ZNF611: variants seen among roughly 807,000 people sequenced by gnomAD.
ZNF611 encodes zinc finger protein 611.
A neutral mutation model predicts 8.9 loss-of-function variants in ZNF611; 6 were observed. That is an observed-to-expected ratio of 0.68 (90% CI 0.37 to 1.34). The LOEUF (loss-of-function observed/expected upper bound fraction) is 1.34, where lower values mean the gene tolerates loss of function less well. Ranked by LOEUF, ZNF611 falls within the 40% of genes most tolerant of loss-of-function variation. ZNF611 has a pLI of 0.02. For missense variants in ZNF611, 874 were observed against 841.3 expected (o/e 1.04, Z -0.48); for synonymous variants, 262 against 279.7 (o/e 0.94, Z 0.63).
rs1568612469 is a variant in ZNF611 at position 52,734,534 on chromosome 19, G to GA, written c.-222+466_-222+467insT. On this transcript the variant is annotated intron_variant, in intron 1 of 5. Transcript: ENST00000652185. ...CCCCGGCATGAGGAGGAAGGTGCGG[G>GA]GCGGGGGGGGGGGGCGCGACGGCGC... is the stretch of plus-strand genomic sequence containing the variant. Among the ~76,000 whole-genome samples the GA allele has an allele frequency of 5.2e-4, 19 of 36,490 alleles. 1 individual carries two copies. Among genetic ancestry groups the GA allele is most frequent in the Admixed American group, 8.2e-4 (4 of 4,888 alleles). The allele number at this position is 36,490 out of a possible 152,430, so 23.9% of individuals were successfully genotyped here.
rs142968523 is a variant in ZNF611 at position 52,712,097 on chromosome 19, G to A, written c.190+1918C>T. Among the ~76,000 whole-genome samples, 419 of 152,256 alleles carry A rather than the reference G, an allele frequency of 2.8e-3. 2 individuals carry two copies. Among genetic ancestry groups the A allele is most frequent in the African/African-American group, 9.6e-3 (399 of 41,546 alleles). On this transcript the variant is annotated intron_variant, in intron 5 of 5. Coordinates refer to ENST00000652185, the MANE Select transcript of ZNF611 (RefSeq NM_001161499.2). ...ATGAAAGAGATCCAACAATGCAGCA[G>A]TACGGTGGCCTGAGGTGAAAGCAGT...
intron 1 of ZNF611, among the ~76,000 whole-genome samples, chr19:52,734,541 G>GGT (rs904550474): frequency 5.5e-5 from 3 of 54,712 alleles, no homozygotes; most frequent in Non-Finnish European, 1.1e-4. Flanking sequence ...CGGGGCGGGG[G>GGT]GGGGGGGCGC....
At chr19:52,718,845 A>G (rs1260804445) in intron 3 of ZNF611, among the ~76,000 whole-genome samples, 3 of 152,084 alleles carry the variant, frequency 2.0e-5, no homozygotes, top group Admixed American at 2.0e-4. Context: ...AACAACAAAA[A>G]TAAGTAAATT....
intron 3 of ZNF611, among the ~76,000 whole-genome samples, chr19:52,722,780 G>A (rs1221133946): frequency 6.6e-6 from 1 of 152,102 alleles, no homozygotes. Context: ...CACCAGGCTG[G>A]AGTACAGTGG....
In ZNF611 at chr19:52,703,445, C is replaced by T. The variant is rs2062217805; in HGVS notation, c.*1492G>A. ...TAAAGGTGCACACCAACACCCCCGG[C>T]TAACTTTTGTATTTTTAGTAGAGAT... On this transcript the variant is annotated 3_prime_UTR_variant, in exon 6 of 6. Transcript: ENST00000652185. 1 of 152,086 alleles carries T rather than the reference C, an allele frequency of 6.6e-6. No homozygotes were observed. The highest frequency in any genetic ancestry group is 1.5e-5 in the Non-Finnish European group (1 of 68,040). 9.4% of individuals were successfully genotyped at this position (152,086 alleles called of 1,614,324 possible). A position where few individuals can be genotyped will look rare whatever the true frequency, so the allele number is the denominator to read the frequency against.
intron 3 of ZNF611, chr19:52,723,894 T>A (rs1173698645): frequency 1.3e-5 from 2 of 152,240 alleles, no homozygotes; most frequent in Admixed American, 6.5e-5. Context: ...TAGGGTAGAT[T>A]TATGTTTGAC....
chr19:52,730,662 G>A (rs138735009), intron 1 of ZNF611, among the ~76,000 whole-genome samples: 60 of 151,506 alleles, frequency 4.0e-4, no homozygotes, highest in African/African-American at 1.4e-3. Flanking sequence ...TTGGCTCACC[G>A]CAAACTTTGC....
rs1419767007 is a variant in ZNF611 at position 52,702,954 on chromosome 19, T to A, written c.*1983A>T. The A allele has an allele frequency of 1.3e-5, 2 of 152,170 alleles. No homozygotes were observed. Among genetic ancestry groups the A allele is most frequent in the African/African-American group, 4.8e-5 (2 of 41,446 alleles). 9.4% of individuals were successfully genotyped at this position (152,170 alleles called of 1,614,324 possible). A position where few individuals can be genotyped will look rare whatever the true frequency, so the allele number is the denominator to read the frequency against. Reference sequence around the variant, plus strand: ...AAAGCATGCAGACATTGATATGAACTGGATGCAACTAATTTAAAACAGCAA... The same window carrying A: ...AAAGCATGCAGACATTGATATGAACAGGATGCAACTAATTTAAAACAGCAA... On this transcript the variant is annotated 3_prime_UTR_variant, in exon 6 of 6. Transcript: ENST00000652185.
At chr19:52,714,201 G>GA in intron 4 of ZNF611, 60 bp from the exon 5 acceptor site, 1 of 1,582,326 alleles carries the variant, frequency 6.3e-7, no homozygotes, top group South Asian at 1.2e-5. Flanking sequence ...CACCTTCACA[G>GA]AAAATGAGAA....
chr19:52,706,503 A>G lies in ZNF611; in HGVS notation c.552T>C (p.Thr184=), dbSNP rs768731052. ...GEIGNQLEKS[T]NDAPSVSTFQ... The stretch of plus-strand genomic sequence containing the variant: ...ATGTTGAAACTGAGGGAGCATCATT[A>G]GTAGACTTCTCAAGTTGATTACCAA... Residue 184 remains threonine, a synonymous_variant, in exon 6 of 6, where the codon ACT becomes ACC. Transcript: ENST00000652185. The G allele has an allele frequency of 2.8e-5, 45 of 1,613,946 alleles. 1 individual carries two copies. The highest frequency in any genetic ancestry group is 8.3e-5 in the Admixed American group (5 of 60,004).
chr19:52,730,873 C>T (rs957563579), intron 1 of ZNF611, among the ~76,000 whole-genome samples: 5 of 152,072 alleles, frequency 3.3e-5, no homozygotes, highest in African/African-American at 1.2e-4. Context: ...TGTGAGCCCC[C>T]GCACACAGCC....
Position 52,705,721 on chromosome 19 carries a change from T to C in ZNF611, c.1334A>G (p.His445Arg). Residue 445 changes from histidine to arginine, a missense_variant, in exon 6 of 6, where the codon CAT becomes CGT. Transcript: ENST00000652185. ...AGATTTCTCTCCACCATGAAGTCTA[T>C]GATGGCATACAAGGGATGACTTGTG... Reference protein sequence around the residue: ...FSHKSSLVCHHRLHGGEKSYK... With the variant: ...FSHKSSLVCHRRLHGGEKSYK... The C allele has an allele frequency of 6.2e-7, 1 of 1,614,122 alleles. No homozygotes were observed. Among genetic ancestry groups the C allele is most frequent in the African/African-American group, 1.3e-5 (1 of 75,058 alleles).
intron 3 of ZNF611, among the ~76,000 whole-genome samples, chr19:52,722,258 T>C (rs1189494518): frequency 1.3e-5 from 2 of 152,122 alleles, no homozygotes; most frequent in Non-Finnish European, 2.9e-5. Flanking sequence ...GTCTCACACC[T>C]GTGGTCTCAG....
intron 5 of ZNF611, 46 bp downstream of exon 5, chr19:52,713,969 A>G (rs758511267): frequency 6.2e-7 from 1 of 1,609,612 alleles, no homozygotes; most frequent in South Asian, 1.1e-5. Flanking sequence ...ATGAGCCAAG[A>G]TAGACAAGAG....
chr19:52,711,588 T>C (rs1209016764), intron 5 of ZNF611, among the ~76,000 whole-genome samples: 1 of 152,024 alleles, frequency 6.6e-6, no homozygotes, highest in Non-Finnish European at 1.5e-5. Flanking sequence ...AAGAAGTACA[T>C]CAAGGGGGAT....
chr19:52,716,126 GC>G (rs1303610445), intron 3 of ZNF611: 1 of 542,576 alleles, frequency 1.8e-6, no homozygotes, highest in East Asian at 3.1e-5. Context: ...TCCTGGAGAA[GC>G]CACCACACAC....
At position 52,703,401 on chromosome 19, in the gene ZNF611, C is replaced by G. The variant is rs951579154; in HGVS notation, c.*1536G>C. ...GGTTTAAGCAATTCTCATGCCCCAGCCTCCCAAGTAGCTGGAACTAAAGGT... is the reference window on the plus strand; with the variant it reads ...GGTTTAAGCAATTCTCATGCCCCAGGCTCCCAAGTAGCTGGAACTAAAGGT... On this transcript the variant is annotated 3_prime_UTR_variant, in exon 6 of 6. Coordinates refer to ENST00000652185, the MANE Select transcript of ZNF611 (RefSeq NM_001161499.2). 2 of 152,036 alleles carry G rather than the reference C, an allele frequency of 1.3e-5. No individual in the cohort carries two copies. Among genetic ancestry groups the G allele is most frequent in the African/African-American group, 4.8e-5 (2 of 41,382 alleles). 9.4% of individuals were successfully genotyped at this position (152,036 alleles called of 1,614,324 possible). A position where few individuals can be genotyped will look rare whatever the true frequency, so the allele number is the denominator to read the frequency against.
intron 3 of ZNF611, among the ~76,000 whole-genome samples, chr19:52,718,954 CG>C (rs2062336261): frequency 6.6e-6 from 1 of 152,166 alleles, no homozygotes; most frequent in Non-Finnish European, 1.5e-5. Context: ...GGGTGGATCA[CG>C]GGGTCATGAG....
Position 52,703,029 on chromosome 19 carries a change from C to T in ZNF611, c.*1908G>A, listed in dbSNP as rs894408976. The T allele has an allele frequency of 5.3e-5, 8 of 151,108 alleles. No homozygotes were observed. The highest frequency in any genetic ancestry group is 3.9e-4 in the East Asian group (2 of 5,136). The allele number at this position is 151,108 out of a possible 1,614,324, so 9.4% of individuals were successfully genotyped here. ...AAATCTAACGAATTCTGGGGTCAAC[C>T]GGAAAATAACTGGAAAATATACAAG... On this transcript the variant is annotated 3_prime_UTR_variant, in exon 6 of 6. Transcript: ENST00000652185.
Sources: allele counts gnomAD v4.1 joint callset (sites outside exome capture counted in the v4.1 genomes callset), GRCh38; gene constraint gnomAD v4.1.1; transcripts MANE v1.5; gene names NCBI Gene and HGNC (gene_info 2026-07-23, HGNC 2026-07-21).